The following IQSEC1 variants were observed in gnomAD, a reference collection of about 807,000 sequenced individuals.
The protein encoded by IQSEC1 is IQ motif and SEC7 domain-containing protein 1.
A neutral mutation model predicts 91.0 loss-of-function variants in IQSEC1; 31 were observed. The ratio of observed to expected loss-of-function variants is 0.34; its 90% CI spans 0.26 to 0.46. The LOEUF (loss-of-function observed/expected upper bound fraction) is 0.46, where lower values mean the gene tolerates loss of function less well. Among genes scored for constraint, IQSEC1 ranks in the 20% least tolerant of loss-of-function variants. The probability of loss-of-function intolerance (pLI) is 1.00; values close to 1 mark genes in which losing one functional copy is unlikely to be tolerated. For synonymous variants in IQSEC1, 699 were observed against 662.6 expected (o/e 1.05, Z -0.84); for missense variants, 1,388 against 1,575.6 (o/e 0.88, Z 2.02).
At chr3:13,273,927 C>T (rs557843589) in intron 1 of IQSEC1, among the ~76,000 whole-genome samples, 2 of 152,324 alleles carry the variant, frequency 1.3e-5, no homozygotes, top group African/African-American at 4.8e-5. Context: ...TGCACCTCAA[C>T]CACGCCGCCA....
intron 3 of IQSEC1, among the ~76,000 whole-genome samples, chr3:12,930,329 T>C (rs867188140): frequency 1.3e-5 from 2 of 152,206 alleles, no homozygotes; most frequent in Non-Finnish European, 2.9e-5. Context: ...CCTTTTTAAC[T>C]GTTCAGGATG....
rs769457169 is a variant in IQSEC1, at chr3:12,935,887, C to T, written c.1129G>A (p.Asp377Asn). The T allele has an allele frequency of 6.2e-7, 1 of 1,605,254 alleles. No individual in the cohort carries two copies. Among genetic ancestry groups the T allele is most frequent in the South Asian group, 1.1e-5 (1 of 91,086 alleles). ...TIEPPSDSSV[D>N]LSDRSERGSL... ...CCCCGCTCCGAGCGGTCACTAAGGTCCACAGAGCTGTCGCTGGGTGGCTCG... is the reference window on the plus strand; with the variant it reads ...CCCCGCTCCGAGCGGTCACTAAGGTTCACAGAGCTGTCGCTGGGTGGCTCG... The change falls in exon 3 of 14, where the codon GAC becomes AAC. Residue 377 changes from aspartate (D) to asparagine (N), a missense_variant. Around this residue, in one of 2 missense-constraint regions of IQSEC1, gnomAD observed 1,059 missense variants for 1,317.8 expected, o/e 0.80. Coordinates refer to ENST00000613206, the MANE Select transcript of IQSEC1 (RefSeq NM_001134382.3). This position sits in a 1 kb window ranked among gnomAD's most constrained non-coding sequence, Gnocchi z 8.0.
intron 2 of IQSEC1, among the ~76,000 whole-genome samples, chr3:13,123,792 G>A (rs972116164): frequency 6.6e-6 from 1 of 152,214 alleles, no homozygotes; most frequent in African/African-American, 2.4e-5. Flanking sequence ...AGAGCCCTGC[G>A]CTGACCTGCA....
chr3:12,902,666 A>AC, intron 13 of IQSEC1, 107 bp downstream of exon 13: 4 of 547,554 alleles, frequency 7.3e-6, no homozygotes, highest in Non-Finnish European at 1.3e-5. Context: ...AACAAAAAAA[A>AC]AACCAAAAAA....
chr3:12,948,568 C>T (rs1576013700), intron 1 of IQSEC1, among the ~76,000 whole-genome samples: 1 of 152,188 alleles, frequency 6.6e-6, no homozygotes. Flanking sequence ...GGGGCTGTGG[C>T]CTCTCAGCCA....
At chr3:13,185,937 G>A (rs1257564385) in intron 1 of IQSEC1, among the ~76,000 whole-genome samples, 5 of 152,200 alleles carry the variant, frequency 3.3e-5, no homozygotes, top group African/African-American at 4.8e-5. Flanking sequence ...CAAGGTGGGC[G>A]GGTCCCATAG....
At chr3:13,165,470 G>C (rs993910950) in intron 1 of IQSEC1, among the ~76,000 whole-genome samples, 18 of 137,066 alleles carry the variant, frequency 1.3e-4, no homozygotes, top group African/African-American at 4.9e-4. Flanking sequence ...TTTTGTTTTT[G>C]TTTTCCATTT....
chr3:12,920,177 T>C (rs1229048538), intron 6 of IQSEC1, among the ~76,000 whole-genome samples: 1 of 152,212 alleles, frequency 6.6e-6, no homozygotes, highest in Non-Finnish European at 1.5e-5. Flanking sequence ...TCACCTTCTC[T>C]GTGAGGAAGG....
Position 12,898,649 on chromosome 3 carries a change from C to T in IQSEC1, c.*2334G>A, listed in dbSNP as rs1213730282. 1 of 152,184 alleles carries T rather than the reference C, an allele frequency of 6.6e-6. No individual in the cohort carries two copies. Among genetic ancestry groups the T allele is most frequent in the Non-Finnish European group, 1.5e-5 (1 of 68,038 alleles). 9.4% of individuals were successfully genotyped at this position (152,184 alleles called of 1,614,324 possible). ...ACGGCCTGAATCTTTTCTGGAACAA[C>T]CTAAAGGTTACAGTTAGACTCTCCT... On this transcript the variant is annotated 3_prime_UTR_variant, in exon 14 of 14. Coordinates refer to ENST00000613206, the MANE Select transcript of IQSEC1 (RefSeq NM_001134382.3).
intron 1 of IQSEC1, among the ~76,000 whole-genome samples, chr3:13,068,155 G>A (rs1275284990): frequency 6.6e-6 from 1 of 152,250 alleles, no homozygotes; most frequent in Non-Finnish European, 1.5e-5. Context: ...CGGGGCTGGG[G>A]CCAATCCAGG....
intron 1 of IQSEC1, among the ~76,000 whole-genome samples, chr3:13,182,479 T>C (rs982950825): frequency 2.4e-4 from 37 of 152,204 alleles, no homozygotes; most frequent in Admixed American, 8.5e-4. Flanking sequence ...ATGATGGCTA[T>C]ATGGATTATA....
chr3:13,099,585 G>A (rs911530529), intron 2 of IQSEC1, among the ~76,000 whole-genome samples: 3 of 152,162 alleles, frequency 2.0e-5, no homozygotes, highest in Non-Finnish European at 4.4e-5. Context: ...AAGCCAGAGT[G>A]TGCAAGAATC....
chr3:12,898,867 CAG>C lies in IQSEC1; in HGVS notation c.*2114_*2115del, dbSNP rs397686421. On this transcript the variant is annotated 3_prime_UTR_variant, in exon 14 of 14. Transcript: ENST00000613206. ...GAACAGCCTCCTCAAAATTGCGAGA[CAG>C]AGTGCTTTGGGGAGCCTGGCTTTTA... 27,922 of 153,502 alleles carry C rather than the reference CAG, an allele frequency of 0.18. 3,597 individuals carry two copies. The highest frequency in any genetic ancestry group is 0.58 in the East Asian group (3,002 of 5,170). The allele number at this position is 153,502 out of a possible 1,614,324, so 9.5% of individuals were successfully genotyped here. A position where few individuals can be genotyped will look rare whatever the true frequency, so the allele number is the denominator to read the frequency against.
chr3:13,116,474 T>G (rs1217912822), intron 2 of IQSEC1, among the ~76,000 whole-genome samples: 1 of 152,172 alleles, frequency 6.6e-6, no homozygotes, highest in Non-Finnish European at 1.5e-5. Context: ...GTCAAATGAT[T>G]TTCAGCAGGG....
chr3:12,941,985 C>A (rs1260296980), intron 1 of IQSEC1, 120 bp from the exon 2 acceptor site: 3 of 931,292 alleles, frequency 3.2e-6, no homozygotes, highest in South Asian at 1.8e-5. Context: ...TCTTCTCACA[C>A]CCCATGGCTG....
At chr3:13,281,533 A>G (rs1042813672) in intron 1 of IQSEC1, among the ~76,000 whole-genome samples, 4 of 150,554 alleles carry the variant, frequency 2.7e-5, no homozygotes, top group Admixed American at 6.6e-5. Flanking sequence ...CCCCAGCCCC[A>G]CCCGCACCGC....
rs185415457 is a variant in IQSEC1 at position 13,239,773 on chromosome 3, C to T, written c.272+42938G>A. Among the ~76,000 whole-genome samples, 346 of 152,318 alleles carry T rather than the reference C, an allele frequency of 2.3e-3. 1 individual carries two copies. The Middle Eastern group carries it at 0.031, about 13-fold the overall frequency. On this transcript the variant is annotated intron_variant, in intron 1 of 15. Transcript: ENST00000648114. Reference sequence around the variant, plus strand: ...GGACTTGATGCTGAGGGAAATAAGCCGGACACAGAAGGACGAAGCCTGCAG... The same window carrying T: ...GGACTTGATGCTGAGGGAAATAAGCTGGACACAGAAGGACGAAGCCTGCAG...
intron 2 of IQSEC1, among the ~76,000 whole-genome samples, chr3:13,105,580 T>C (rs920135070): frequency 6.6e-6 from 1 of 152,112 alleles, no homozygotes; most frequent in Non-Finnish European, 1.5e-5. Context: ...ACAGCCTCCA[T>C]GCACACACAC....
In IQSEC1 at chr3:12,941,608, T is replaced by G; in HGVS notation, c.281A>C (p.Glu94Ala). Residue 94 changes from glutamate (E) to alanine (A), a missense_variant, in exon 2 of 14, where the codon GAG (glutamate) becomes GCG (alanine). Physicochemically the swap from Glu to Ala is moderately radical, Grantham distance 107. Coordinates refer to ENST00000613206, the MANE Select transcript of IQSEC1 (RefSeq NM_001134382.3). ...EAIKRSRSLS[E>A]SYELSSDLQD... ...CAGGTCCGAGGAGAGCTCATAGCTC[T>G]CGGAGAGTGAGCGTGAGCGCTTGAT... 1 of 1,606,644 alleles carries G rather than the reference T, an allele frequency of 6.2e-7. No homozygotes were observed. Among genetic ancestry groups the G allele is most frequent in the Non-Finnish European group, 8.5e-7 (1 of 1,176,264 alleles).
Sources: gnomAD v4.1 joint callset for allele counts (sites outside exome capture counted in the v4.1 genomes callset) on GRCh38, gnomAD v4.1.1 for gene constraint, gnomAD v4.1.1 regional missense constraint, Gnocchi (gnomAD v3.1) non-coding constraint, MANE v1.5 for transcripts, NCBI Gene and HGNC (gene_info 2026-07-23, HGNC 2026-07-21) for gene names.